Variants in TTC39C observed in about 807,000 individuals in gnomAD.
The protein encoded by TTC39C is tetratricopeptide repeat protein 39C.
Under a neutral mutation model 76.3 loss-of-function variants are expected in TTC39C, and 33 were observed. That is an observed-to-expected ratio of 0.43 (90% CI 0.33 to 0.58). The LOEUF is 0.58. TTC39C is among the 20% of genes least tolerant of loss of function. The probability of loss-of-function intolerance (pLI) is 0.04; values close to 1 mark genes in which losing one functional copy is unlikely to be tolerated. For missense variants in TTC39C, 595 were observed against 701.4 expected (o/e 0.85, Z 1.71); for synonymous variants, 254 against 260.6 (o/e 0.97, Z 0.24).
intron 1 of TTC39C, among the ~76,000 whole-genome samples, chr18:24,002,136 C>T (rs1376016624): frequency 1.3e-5 from 2 of 152,136 alleles, no homozygotes; most frequent in Non-Finnish European, 2.9e-5. Flanking sequence ...GTGGGGCTGT[C>T]AGCCTCCTTG....
At chr18:24,081,189 G>A (rs1961109623) in intron 5 of TTC39C, among the ~76,000 whole-genome samples, 1 of 152,140 alleles carries the variant, frequency 6.6e-6, no homozygotes, top group Non-Finnish European at 1.5e-5. Flanking sequence ...AACCTCAAAT[G>A]ATTTTATAAG....
chr18:24,014,983 A>G lies in TTC39C; in HGVS notation c.112A>G (p.Asn38Asp). The change falls in exon 1 of 14, where the codon AAC (asparagine) becomes GAC (aspartate). Residue 38 changes from asparagine to aspartate, a missense_variant. Physicochemically the swap from Asn to Asp is conservative, Grantham distance 23 (BLOSUM62 1). Coordinates refer to ENST00000317571, the MANE Select transcript of TTC39C (RefSeq NM_001135993.2). ...CGCGGAGCTGGCCCTGGCCGGCATC[A>G]ACATGCTGCTCAACAACGGCTTCAG... Reference protein sequence around the residue: ...QDAELALAGINMLLNNGFRES... With the variant: ...QDAELALAGIDMLLNNGFRES... The G allele has an allele frequency of 6.5e-7, 1 of 1,528,684 alleles. No individual in the cohort carries two copies. Among genetic ancestry groups the G allele is most frequent in the Non-Finnish European group, 8.8e-7 (1 of 1,137,790 alleles). 94.7% of individuals were successfully genotyped at this position (1,528,684 alleles called of 1,614,324 possible).
At chr18:23,992,956 A>C (rs2083231479) in exon 1 of TTC39C, 1 of 152,230 alleles carries the variant, frequency 6.6e-6, no homozygotes, top group South Asian at 2.1e-4. Context: ...CTTTAGAAGC[A>C]ACTATCCTGC....
At chr18:24,031,692 C>T (rs573034526) in intron 1 of TTC39C, among the ~76,000 whole-genome samples, 122 of 152,300 alleles carry the variant, frequency 8.0e-4, no homozygotes, top group African/African-American at 2.9e-3. Context: ...CCTGCCCTTC[C>T]TTTACCTCCA....
At chr18:24,098,392 C>CCCTT (rs1568436670) in intron 6 of TTC39C, among the ~76,000 whole-genome samples, 1 of 65,008 alleles carries the variant, frequency 1.5e-5, no homozygotes, top group Non-Finnish European at 2.8e-5. Context: ...TTCCCTCCCT[C>CCCTT]CCTCCCTCCC....
At chr18:24,033,178 G>A (rs1224782111) in intron 1 of TTC39C, among the ~76,000 whole-genome samples, 1 of 152,158 alleles carries the variant, frequency 6.6e-6, no homozygotes, top group Non-Finnish European at 1.5e-5. Flanking sequence ...ACTTGAAACT[G>A]GGGGGCGGCG....
intron 6 of TTC39C, among the ~76,000 whole-genome samples, chr18:24,100,301 GTCC>G (rs1184409085): frequency 6.6e-6 from 1 of 152,204 alleles, no homozygotes; most frequent in African/African-American, 2.4e-5. Context: ...TGTGGCCCTT[GTCC>G]TCCGCCTGGC....
chr18:24,123,385 T>TTTG (rs1462979739), intron 8 of TTC39C, among the ~76,000 whole-genome samples: 3 of 139,070 alleles, frequency 2.2e-5, no homozygotes, highest in East Asian at 2.2e-4. Flanking sequence ...ACAGTCTTTT[T>TTTG]TTTGTTTGTT....
chr18:24,069,911 T>C (rs995972999), intron 4 of TTC39C, among the ~76,000 whole-genome samples: 1 of 152,336 alleles, frequency 6.6e-6, no homozygotes, highest in South Asian at 2.1e-4. Flanking sequence ...TATGGGTGTC[T>C]CTGATATTGA....
At chr18:24,061,985 G>C (rs566735326) in intron 1 of TTC39C, among the ~76,000 whole-genome samples, 3 of 152,206 alleles carry the variant, frequency 2.0e-5, no homozygotes, top group Non-Finnish European at 4.4e-5. Flanking sequence ...CTGAGAGGAC[G>C]ATCGCCCGTC....
At position 24,118,221 on chromosome 18, in the gene TTC39C, A is replaced by G. The variant is rs762225333; in HGVS notation, c.1175A>G (p.Tyr392Cys). The change falls in exon 8 of 14, where the codon TAC (tyrosine) becomes TGC (cysteine). Residue 392 changes from tyrosine (Y) to cysteine (C), a missense_variant. Transcript: ENST00000317571. ...ESRWSQCYYA[Y>C]LTAVCQGATG... ...AGGTGGTCCCAGTGCTATTATGCCT[A>G]CTTGACTGCAGGTGAGTCGCCCATG... The G allele has an allele frequency of 1.2e-6, 2 of 1,613,338 alleles. No individual in the cohort carries two copies. Among genetic ancestry groups the G allele is most frequent in the East Asian group, 2.2e-5 (1 of 44,832 alleles).
At chr18:24,122,500 C>CAAAAAAAAAAAAAA (rs36002596) in intron 8 of TTC39C, among the ~76,000 whole-genome samples, 14 of 51,034 alleles carry the variant, frequency 2.7e-4, no homozygotes, top group East Asian at 6.8e-4. Flanking sequence ...GACTCCATCT[C>CAAAAAAAAAAAAAA]AAAAAAAAAA....
In TTC39C at chr18:24,132,906, A is replaced by G. The variant is rs2085151474; in HGVS notation, c.*332A>G. The G allele has an allele frequency of 5.0e-6, 1 of 201,204 alleles. No individual in the cohort carries two copies. Among genetic ancestry groups the G allele is most frequent in the South Asian group, 1.5e-4 (1 of 6,856 alleles). 12.5% of individuals were successfully genotyped at this position (201,204 alleles called of 1,614,324 possible). ...ATCCAACCCAAGATCCTGTAGGAAC[A>G]CCTACCTTAAGCACATATCTGAATG... On this transcript the variant is annotated 3_prime_UTR_variant, in exon 14 of 14. Transcript: ENST00000317571.
In TTC39C at chr18:24,134,262, T is replaced by TG. The variant is rs2085170869; in HGVS notation, c.*1688_*1689insG. ...CCCAAAAATATTGGACATCTGTTTT[T>TG]TGTTTTTTTTTTTTTTTTTTTTTTT... On this transcript the variant is annotated 3_prime_UTR_variant, in exon 14 of 14. Transcript: ENST00000317571. 2.0e-5 allele frequency: 1 copy of TG among 51,004 alleles called. No individual in the cohort carries two copies. Among genetic ancestry groups the TG allele is most frequent in the African/African-American group, 7.4e-5 (1 of 13,488 alleles). 3.2% of individuals were successfully genotyped at this position (51,004 alleles called of 1,614,324 possible). A position where few individuals can be genotyped will look rare whatever the true frequency, so the allele number is the denominator to read the frequency against.
At chr18:24,071,101 T>G (rs577840616) in intron 4 of TTC39C, among the ~76,000 whole-genome samples, 2 of 152,044 alleles carry the variant, frequency 1.3e-5, no homozygotes, top group Non-Finnish European at 2.9e-5. Flanking sequence ...ACTAATTTTT[T>G]GTACTTTTAG....
intron 1 of TTC39C, chr18:24,001,692 T>C (rs1196828137): frequency 6.6e-6 from 1 of 152,252 alleles, no homozygotes; most frequent in Non-Finnish European, 1.5e-5. Flanking sequence ...GTTGCTGCAT[T>C]ACTCTTGGGT....
At chr18:24,116,819 G>GTTT (rs767138108) in intron 7 of TTC39C, among the ~76,000 whole-genome samples, 49 of 95,048 alleles carry the variant, frequency 5.2e-4, no homozygotes, top group East Asian at 9.8e-4. Flanking sequence ...TGATACCTTA[G>GTTT]TTTTTTTTTT....
rs2085154265 is a variant in TTC39C at position 24,133,071 on chromosome 18, T to G, written c.*497T>G. The G allele has an allele frequency of 6.6e-6, 1 of 152,334 alleles. No homozygotes were observed. The highest frequency in any genetic ancestry group is 1.5e-5 in the Non-Finnish European group (1 of 68,126). The allele number at this position is 152,334 out of a possible 1,614,324, so 9.4% of individuals were successfully genotyped here. On this transcript the variant is annotated 3_prime_UTR_variant, in exon 14 of 14. Transcript: ENST00000317571. ...TCCAGTGAATAACATAGCACAGATATTCTTAACCCCACTTTGCAGACAGTG... is the reference window on the plus strand; with the variant it reads ...TCCAGTGAATAACATAGCACAGATAGTCTTAACCCCACTTTGCAGACAGTG...
At chr18:24,105,484 A>G (rs2084735064) in intron 6 of TTC39C, among the ~76,000 whole-genome samples, 1 of 152,220 alleles carries the variant, frequency 6.6e-6, no homozygotes, top group African/African-American at 2.4e-5. Context: ...TATGAAATAC[A>G]TATGTGCACA....
Sources: allele counts gnomAD v4.1 joint callset (sites outside exome capture counted in the v4.1 genomes callset), GRCh38; gene constraint gnomAD v4.1.1; transcripts MANE v1.5; gene names NCBI Gene and HGNC (gene_info 2026-07-23, HGNC 2026-07-21).